BCAR3: variants seen among roughly 807,000 people sequenced by gnomAD.
BCAR3 encodes breast cancer anti-estrogen resistance protein 3.
Under a neutral mutation model 80.1 loss-of-function variants are expected in BCAR3, and 37 were observed. That is an observed-to-expected ratio of 0.46 (90% CI 0.36 to 0.61). The LOEUF (loss-of-function observed/expected upper bound fraction) is 0.61. BCAR3 is among the 20% of genes least tolerant of loss of function. The probability of loss-of-function intolerance (pLI) is 0.00; values close to 1 mark genes in which losing one functional copy is unlikely to be tolerated. For synonymous variants in BCAR3, 389 were observed against 418.9 expected, an observed-to-expected ratio of 0.93 and a Z score of 0.87; for missense variants, 978 against 1,068.2, an observed-to-expected ratio of 0.92 and a Z score of 1.18.
chr1:93,749,946 T>C (rs1034861287), intron 2 of BCAR3, among the ~76,000 whole-genome samples: 1 of 151,662 alleles, frequency 6.6e-6, no homozygotes, highest in Non-Finnish European at 1.5e-5. Context: ...CTTAAAGATA[T>C]ATGATAAATG....
chr1:93,693,140 G>T (rs562719983), intron 3 of BCAR3, among the ~76,000 whole-genome samples: 1 of 152,134 alleles, frequency 6.6e-6, no homozygotes, highest in Admixed American at 6.6e-5. Context: ...AAGCCTCCCA[G>T]TGACCTGTGT....
chr1:93,585,875 A>T (rs1673922376), intron 5 of BCAR3, among the ~76,000 whole-genome samples: 1 of 152,114 alleles, frequency 6.6e-6, no homozygotes, highest in Admixed American at 6.5e-5. Flanking sequence ...AGTAGCTGGG[A>T]CCACAGGCAC....
chr1:93,737,565 G>A (rs987836467), intron 2 of BCAR3, among the ~76,000 whole-genome samples: 26 of 152,156 alleles, frequency 1.7e-4, no homozygotes, highest in African/African-American at 6.3e-4. Flanking sequence ...GTCTCCAGAA[G>A]GAACCGACCC....
chr1:93,590,738 G>A (rs1055433893), intron 4 of BCAR3, among the ~76,000 whole-genome samples: 1 of 152,148 alleles, frequency 6.6e-6, no homozygotes, highest in Non-Finnish European at 1.5e-5. Flanking sequence ...TCTTAGAATT[G>A]AGCCTGTGAA....
At position 93,777,414 on chromosome 1, in the gene BCAR3, T is replaced by TTCCTCCTCCTCTTCC. The variant is rs768993064; in HGVS notation, c.-63+68138_-63+68152dup. On this transcript the variant is annotated intron_variant, in intron 2 of 13. Transcript: ENST00000370244. ...CCTCTTCTTCCTCTTCCTCCTCCTC[T>TTCCTCCTCCTCTTCC]TCCTCCTCCTCTTCCTCCTCCTCCT... 1.9e-3 allele frequency among the ~76,000 whole-genome samples: 211 copies of TTCCTCCTCCTCTTCC among 113,208 alleles called. 1 individual carries two copies. The highest frequency in any genetic ancestry group is 0.01 in the East Asian group (46 of 4,496). 74.3% of individuals were successfully genotyped at this position (113,208 alleles called of 152,430 possible). A position where few individuals can be genotyped will look rare whatever the true frequency, so the allele number is the denominator to read the frequency against.
At chr1:93,777,414 T>TCCTCCTTTTCCTCCTCCTCTTCC (rs1557685179) in intron 2 of BCAR3, among the ~76,000 whole-genome samples, 2,207 of 113,034 alleles carry the variant, frequency 0.02, 25 homozygotes, top group Non-Finnish European at 0.026. Flanking sequence ...CCTCCTCCTC[T>TCCTCCTTTTCCTCCTCCTCTTCC]TCCTCCTCCT....
chr1:93,599,848 G>A (rs1029241902), intron 3 of BCAR3: 3 of 152,090 alleles, frequency 2.0e-5, no homozygotes, highest in Admixed American at 6.6e-5. Context: ...CCTCAGAATC[G>A]GCTTCCATTG....
intron 2 of BCAR3, among the ~76,000 whole-genome samples, chr1:93,733,878 T>C (rs1367019864): frequency 1.3e-5 from 2 of 152,232 alleles, no homozygotes; most frequent in Non-Finnish European, 2.9e-5. Flanking sequence ...CAGATAGGCA[T>C]AGTAGACAAG....
intron 2 of BCAR3, among the ~76,000 whole-genome samples, chr1:93,660,518 T>C (rs1324627224): frequency 6.6e-6 from 1 of 152,178 alleles, no homozygotes; most frequent in Admixed American, 6.5e-5. Context: ...AGGCTTAAAA[T>C]GGGACACGCC....
intron 4 of BCAR3, among the ~76,000 whole-genome samples, chr1:93,589,929 C>T (rs1674102693): frequency 6.6e-6 from 1 of 152,176 alleles, no homozygotes; most frequent in Non-Finnish European, 1.5e-5. Flanking sequence ...GTGTGCCTGG[C>T]AGGCCTGATT....
intron 2 of BCAR3, among the ~76,000 whole-genome samples, chr1:93,796,961 C>T (rs1028756992): frequency 2.0e-5 from 3 of 152,138 alleles, no homozygotes; most frequent in Non-Finnish European, 2.9e-5. Flanking sequence ...CATTATATTT[C>T]TGGTTACTGT....
chr1:93,786,282 A>G (rs1285760169), intron 2 of BCAR3, among the ~76,000 whole-genome samples: 3 of 151,016 alleles, frequency 2.0e-5, no homozygotes, highest in Non-Finnish European at 4.4e-5. Context: ...CCTCAATACT[A>G]TGAGGGAGCC....
chr1:93,562,505 C>T (rs569957911), intron 11 of BCAR3, 86 bp from the exon 12 acceptor site: 9 of 1,322,134 alleles, frequency 6.8e-6, no homozygotes, highest in African/African-American at 4.4e-5. Flanking sequence ...CGCGGTGGCT[C>T]ACGCCTGTAA....
At chr1:93,688,784 T>C (rs547006288) in intron 3 of BCAR3, among the ~76,000 whole-genome samples, 2,287 of 139,196 alleles carry the variant, frequency 0.016, 41 homozygotes, top group African/African-American at 0.05. Flanking sequence ...TTGTTTTTGT[T>C]TGTTTGTTTG....
chr1:93,804,665 T>C (rs796343467), intron 2 of BCAR3, among the ~76,000 whole-genome samples: 15 of 152,308 alleles, frequency 9.8e-5, no homozygotes, highest in African/African-American at 3.6e-4. Flanking sequence ...AATTTAAAAC[T>C]TGGAAATTGT....
At chr1:93,578,246 G>A (rs936506042) in intron 7 of BCAR3, among the ~76,000 whole-genome samples, 5 of 152,064 alleles carry the variant, frequency 3.3e-5, no homozygotes, top group Non-Finnish European at 5.9e-5. Context: ...CCTCCCAGCC[G>A]CAAGGGCCTT....
chr1:93,604,709 A>C (rs1674724220), intron 3 of BCAR3, among the ~76,000 whole-genome samples: 1 of 152,242 alleles, frequency 6.6e-6, no homozygotes, highest in Non-Finnish European at 1.5e-5. Flanking sequence ...TTTGAAGCTC[A>C]GTTTTATTTT....
At chr1:93,713,713 C>T (rs1016180078) in intron 2 of BCAR3, among the ~76,000 whole-genome samples, 7 of 150,732 alleles carry the variant, frequency 4.6e-5, no homozygotes, top group African/African-American at 1.5e-4. Flanking sequence ...AACTGAAATG[C>T]CATTTTTTTT....
At chr1:93,771,499 G>A (rs915011023) in intron 2 of BCAR3, among the ~76,000 whole-genome samples, 4 of 152,170 alleles carry the variant, frequency 2.6e-5, no homozygotes, top group Admixed American at 2.6e-4. Context: ...GTTATATAAC[G>A]TCTCTATGTC....
Sources: gnomAD v4.1 joint callset for allele counts (sites outside exome capture counted in the v4.1 genomes callset) on GRCh38, gnomAD v4.1.1 for gene constraint, MANE v1.5 for transcripts, NCBI Gene and HGNC (gene_info 2026-07-23, HGNC 2026-07-21) for gene names.